Variants in RNASEH1 observed in about 807,000 individuals in gnomAD.
RNASEH1 encodes ribonuclease H type II.
Under a neutral mutation model 34.6 loss-of-function variants are expected in RNASEH1, and 27 were observed. That is an observed-to-expected ratio of 0.78 (90% CI 0.58 to 1.08). The LOEUF (loss-of-function observed/expected upper bound fraction) is 1.08. RNASEH1 is among the 50% of genes least tolerant of loss of function. The pLI, the probability that RNASEH1 is intolerant of heterozygous loss-of-function variation, is 0.00. For missense variants in RNASEH1, 349 were observed against 373.6 expected, an observed-to-expected ratio of 0.93 and a Z score of 0.54; for synonymous variants, 162 against 138.4, an observed-to-expected ratio of 1.17 and a Z score of -1.20.
At chr2:3,552,438 T>C in intron 2 of RNASEH1, 130 bp from the exon 3 acceptor site, 1 of 830,466 alleles carries the variant, frequency 1.2e-6, no homozygotes, top group South Asian at 1.8e-5. Context: ...TATGTGGCCC[T>C]ACAACGAGGG....
chr2:3,556,755 G>A (rs761744102), intron 2 of RNASEH1, 34 bp downstream of exon 2: 2 of 1,455,568 alleles, frequency 1.4e-6, no homozygotes, highest in Non-Finnish European at 1.9e-6. Context: ...CTTTGAATAG[G>A]TTAAAATGTC....
chr2:3,558,290 G>C lies in RNASEH1; in HGVS notation c.-30C>G, dbSNP rs774009217. 15 of 1,521,460 alleles carry C rather than the reference G, an allele frequency of 9.9e-6. No individual in the cohort carries two copies. Among genetic ancestry groups the C allele is most frequent in the Non-Finnish European group, 1.1e-5 (13 of 1,139,082 alleles). 94.2% of individuals were successfully genotyped at this position (1,521,460 alleles called of 1,614,324 possible). A position where few individuals can be genotyped will look rare whatever the true frequency, so the allele number is the denominator to read the frequency against. ...CACTCCCGGCACCGGGAAGCATTTC[G>C]ACTCCCGGCCCAGCGTGGGCGCGAG... On this transcript the variant is annotated 5_prime_UTR_variant, in exon 1 of 8. Transcript: ENST00000315212.
chr2:3,538,601 T>C (rs2103263556), downstream of RNASEH1, among the ~76,000 whole-genome samples: 1 of 152,314 alleles, frequency 6.6e-6, no homozygotes, highest in Non-Finnish European at 1.5e-5. Context: ...CCTTCTGGTC[T>C]GTGGGTACTT....
rs112737049 is a variant in RNASEH1, at chr2:3,544,778, CT to C, written c.*1006del. 5,662 of 144,524 alleles carry C rather than the reference CT, an allele frequency of 0.039. 150 individuals are homozygous for C. The highest frequency in any genetic ancestry group is 0.076 in the African/African-American group (3,018 of 39,658). The allele number at this position is 144,524 out of a possible 1,614,324, so 9.0% of individuals were successfully genotyped here. A position where few individuals can be genotyped will look rare whatever the true frequency, so the allele number is the denominator to read the frequency against. The stretch of plus-strand genomic sequence containing the variant: ...AAATAATCATGTCAAACTTTTACTA[CT>C]TTTTTTTTTTTTTGAGACAGAGTCT... On this transcript the variant is annotated 3_prime_UTR_variant, in exon 8 of 8. Transcript: ENST00000315212.
At chr2:3,556,008 T>TA (rs1035418319) in intron 2 of RNASEH1, among the ~76,000 whole-genome samples, 28 of 151,304 alleles carry the variant, frequency 1.9e-4, no homozygotes, top group East Asian at 2.0e-4. Flanking sequence ...CCATCTCTAC[T>TA]AAAAAAAATA....
At chr2:3,534,978 G>C in the RNASEH1 span, among the ~76,000 whole-genome samples, 1 of 152,346 alleles carries the variant, frequency 6.6e-6, no homozygotes. Flanking sequence ...ATGGAAAGCA[G>C]AACAGTGCTG....
chr2:3,552,189 C>G lies in RNASEH1; in HGVS notation c.364G>C (p.Val122Leu), dbSNP rs201353590. Residue 122 changes from valine to leucine, a missense_variant, in exon 3 of 8, where the codon GTG becomes CTG. By Grantham distance (32) the Val-to-Leu change is conservative. This residue lies in a region of RNASEH1 where 256 missense variants were observed against 240.7 expected (regional missense o/e 1.06). Transcript: ENST00000315212. ...EPYAKHMKPS[V>L]EPAPPVSRDT... Reference sequence around the variant, plus strand: ...CTGCTAACTGGAGGCGCCGGCTCCACGCTCGGCTTCATGTGCTTTGCATAC... The same window carrying G: ...CTGCTAACTGGAGGCGCCGGCTCCAGGCTCGGCTTCATGTGCTTTGCATAC... The G allele has an allele frequency of 2.5e-6, 4 of 1,612,210 alleles. No homozygotes were observed. Among genetic ancestry groups the G allele is most frequent in the Non-Finnish European group, 3.4e-6 (4 of 1,179,842 alleles).
chr2:3,532,262 T>C, the RNASEH1 span: 4 of 702,204 alleles, frequency 5.7e-6, no homozygotes, highest in East Asian at 8.0e-5. Flanking sequence ...CCTCATGTTA[T>C]CTCCTCCCGT....
At chr2:3,537,805 A>AGGCAGGCAGATCAC (rs1310963660), downstream of RNASEH1, among the ~76,000 whole-genome samples, 1 of 152,092 alleles carries the variant, frequency 6.6e-6, no homozygotes, top group Non-Finnish European at 1.5e-5. Context: ...TGGCAGGCCA[A>AGGCAGGCAGATCAC]GGCAGGCAGA....
At chr2:3,549,776 C>G (rs1314294918) in intron 4 of RNASEH1, among the ~76,000 whole-genome samples, 2 of 151,918 alleles carry the variant, frequency 1.3e-5, no homozygotes, top group Admixed American at 1.3e-4. Context: ...GAAACCCCGT[C>G]TCTACTAAAA....
At chr2:3,537,066 A>G (rs983390219), downstream of RNASEH1, among the ~76,000 whole-genome samples, 1 of 152,206 alleles carries the variant, frequency 6.6e-6, no homozygotes, top group African/African-American at 2.4e-5. Context: ...GGGGTTTGAC[A>G]TGAATTTTGG....
downstream of RNASEH1, among the ~76,000 whole-genome samples, chr2:3,538,964 A>C (rs957373233): frequency 1.3e-5 from 2 of 152,150 alleles, no homozygotes; most frequent in African/African-American, 2.4e-5. Flanking sequence ...AGTAAAGCCG[A>C]GCATCTTTTC....
downstream of RNASEH1, among the ~76,000 whole-genome samples, chr2:3,537,463 CT>C (rs1572262801): frequency 1.3e-5 from 2 of 152,326 alleles, no homozygotes; most frequent in East Asian, 1.9e-4. Flanking sequence ...TGGCTCATGG[CT>C]CTAACCCCAG....
rs755440789 is a variant in RNASEH1, at chr2:3,558,186, G to C, written c.75C>G (p.Phe25Leu). Reference protein sequence around the residue: ...ALPCRRGSRGFGMFYAVRRGR... With the variant: ...ALPCRRGSRGLGMFYAVRRGR... The stretch of plus-strand genomic sequence containing the variant: ...CCCTCCTCACGGCATAGAACATCCC[G>C]AACCCGCGAGAGCCGCGGCGGCAGG... The change falls in exon 1 of 8, where the codon TTC becomes TTG. Residue 25 changes from phenylalanine (F) to leucine (L), a missense_variant. By Grantham distance (22) the Phe-to-Leu change is conservative. Transcript: ENST00000315212. 6.2e-7 allele frequency: 1 copy of C among 1,602,084 alleles called. No homozygotes were observed. The highest frequency in any genetic ancestry group is 8.5e-7 in the Non-Finnish European group (1 of 1,175,972).
chr2:3,558,289 C>G lies in RNASEH1; in HGVS notation c.-29G>C. On this transcript the variant is annotated 5_prime_UTR_variant, in exon 1 of 8. Transcript: ENST00000315212. ...TCACTCCCGGCACCGGGAAGCATTT[C>G]GACTCCCGGCCCAGCGTGGGCGCGA... 6.6e-7 allele frequency: 1 copy of G among 1,521,150 alleles called. No homozygotes were observed. Among genetic ancestry groups the G allele is most frequent in the African/African-American group, 1.4e-5 (1 of 70,300 alleles). The allele number at this position is 1,521,150 out of a possible 1,614,324, so 94.2% of individuals were successfully genotyped here.
At chr2:3,531,960 T>C in the RNASEH1 span, 1 of 360,972 alleles carries the variant, frequency 2.8e-6, no homozygotes, top group East Asian at 5.6e-5. Context: ...ACCTGCCGTA[T>C]AGCTGAGGCC....
At chr2:3,557,140 A>C (rs1022093960) in intron 1 of RNASEH1, among the ~76,000 whole-genome samples, 2 of 152,206 alleles carry the variant, frequency 1.3e-5, no homozygotes, top group African/African-American at 4.8e-5. Flanking sequence ...AATCATCTCT[A>C]GTTTATAATA....
intron 2 of RNASEH1, among the ~76,000 whole-genome samples, chr2:3,555,428 T>C (rs537897412): frequency 6.6e-6 from 1 of 152,162 alleles, no homozygotes; most frequent in Non-Finnish European, 1.5e-5. Flanking sequence ...GAATCTCCTT[T>C]AAAAGCTATT....
chr2:3,551,848 T>C (rs994319934), intron 3 of RNASEH1, among the ~76,000 whole-genome samples: 5 of 152,228 alleles, frequency 3.3e-5, no homozygotes, highest in African/African-American at 1.2e-4. Context: ...TTGAAAAAGC[T>C]GGAGTCTTCG....
Sources: gnomAD v4.1 joint callset for allele counts (sites outside exome capture counted in the v4.1 genomes callset) on GRCh38, gnomAD v4.1.1 for gene constraint, gnomAD v4.1.1 regional missense constraint, MANE v1.5 for transcripts, NCBI Gene and HGNC (gene_info 2026-07-23, HGNC 2026-07-21) for gene names.